Variants in CALCR observed in about 807,000 individuals in gnomAD.
The protein encoded by CALCR is calcitonin receptor.
Under a neutral mutation model 59.5 loss-of-function variants are expected in CALCR, and 47 were observed. That is an observed-to-expected ratio of 0.79 (90% confidence interval 0.63 to 1.01). The LOEUF is 1.01. Among genes scored for constraint, CALCR ranks in the 50% least tolerant of loss-of-function variants. The pLI, the probability that CALCR is intolerant of heterozygous loss-of-function variation, is 0.00. For missense variants in CALCR, 566 were observed against 597.1 expected, an observed-to-expected ratio of 0.95 and a Z score of 0.54; for synonymous variants, 213 against 211.3, an observed-to-expected ratio of 1.01 and a Z score of -0.07.
intron 2 of CALCR, among the ~76,000 whole-genome samples, chr7:93,550,612 C>A (rs918369459): frequency 2.8e-5 from 4 of 140,906 alleles, no homozygotes; most frequent in East Asian, 4.2e-4. Context: ...CACACACACA[C>A]ACACACACAC....
chr7:93,493,778 A>C (rs11977506), intron 2 of CALCR, among the ~76,000 whole-genome samples: 7,711 of 151,464 alleles, frequency 0.051, 691 homozygotes, highest in African/African-American at 0.18. Context: ...CTAAAAGGAC[A>C]GATAAGAAAT....
At chr7:93,537,834 T>C (rs578141152) in intron 2 of CALCR, among the ~76,000 whole-genome samples, 2 of 152,062 alleles carry the variant, frequency 1.3e-5, no homozygotes, top group East Asian at 3.9e-4. Context: ...TGTATTTTCC[T>C]GACCAAATCA....
intron 2 of CALCR, among the ~76,000 whole-genome samples, chr7:93,522,382 A>G (rs971320860): frequency 4.6e-5 from 7 of 152,162 alleles, no homozygotes; most frequent in African/African-American, 1.4e-4. Flanking sequence ...GACAGGAAGT[A>G]TGTCCCCATC....
intron 3 of CALCR, among the ~76,000 whole-genome samples, chr7:93,484,738 T>A (rs1800901576): frequency 6.6e-6 from 1 of 151,752 alleles, no homozygotes; most frequent in Non-Finnish European, 1.5e-5. Context: ...AGTAAACAAG[T>A]AACAATAACA....
At chr7:93,461,429 C>T (rs1326643295) in intron 7 of CALCR, among the ~76,000 whole-genome samples, 3 of 152,156 alleles carry the variant, frequency 2.0e-5, no homozygotes, top group African/African-American at 4.8e-5. Context: ...TGCATACACA[C>T]ACTTCACGTC....
rs1255499271 is a variant in CALCR, at chr7:93,460,568, A to T, written c.648+253T>A. Among the ~76,000 whole-genome samples, 407 of 79,744 alleles carry T rather than the reference A, an allele frequency of 5.1e-3. 3 individuals are homozygous for T. Among genetic ancestry groups the T allele is most frequent in the African/African-American group, 0.033 (354 of 10,764 alleles). 52.3% of individuals were successfully genotyped at this position (79,744 alleles called of 152,430 possible). A position where few individuals can be genotyped will look rare whatever the true frequency, so the allele number is the denominator to read the frequency against. On this transcript the variant is annotated intron_variant, in intron 8 of 13. Coordinates refer to ENST00000426151, the MANE Select transcript of CALCR (RefSeq NM_001742.4). ...GAGACTCTATCTAAAAAAAAAAAAA[A>T]AAAAATATATATATATATATATATG...
intron 8 of CALCR, among the ~76,000 whole-genome samples, chr7:93,447,258 T>C (rs1283240240): frequency 6.6e-6 from 1 of 152,052 alleles, no homozygotes; most frequent in Non-Finnish European, 1.5e-5. Context: ...CTTAGTCTAA[T>C]ACATCAAGTC....
At position 93,462,006 on chromosome 7, in the gene CALCR, T is replaced by C. The variant is rs1405070656; in HGVS notation, c.522-1059A>G. ...TGGAATAAAGTTAGAAATGAAGAAT[T>C]TTGAAAAGGAAATTCTGGGGAAAGA... is the stretch of plus-strand genomic sequence containing the variant. On this transcript the variant is annotated intron_variant, in intron 7 of 13. Coordinates refer to ENST00000426151, the MANE Select transcript of CALCR (RefSeq NM_001742.4). 3 of 1,031,410 alleles carry C rather than the reference T, an allele frequency of 2.9e-6. No homozygotes were observed. The African/African-American group carries it at 4.8e-5, about 17-fold the overall frequency. 63.9% of individuals were successfully genotyped at this position (1,031,410 alleles called of 1,614,324 possible).
At chr7:93,455,191 T>G (rs1800185973) in intron 8 of CALCR, among the ~76,000 whole-genome samples, 1 of 152,000 alleles carries the variant, frequency 6.6e-6, no homozygotes. Context: ...TTTAGTTTGC[T>G]TAAGAATAAA....
Position 93,426,313 on chromosome 7 carries a change from G to A in CALCR, c.*43C>T. On this transcript the variant is annotated 3_prime_UTR_variant, in exon 14 of 14. Coordinates refer to ENST00000426151, the MANE Select transcript of CALCR (RefSeq NM_001742.4). ...TTTAAATGCATGGTCTTTCTCCCAG[G>A]AAATGATGGCTCAGTGATCACGATG... 1 of 1,104,410 alleles carries A rather than the reference G, an allele frequency of 9.1e-7. No homozygotes were observed. The highest frequency in any genetic ancestry group is 1.4e-6 in the Non-Finnish European group (1 of 717,234). 68.4% of individuals were successfully genotyped at this position (1,104,410 alleles called of 1,614,324 possible). A position where few individuals can be genotyped will look rare whatever the true frequency, so the allele number is the denominator to read the frequency against.
At chr7:93,442,897 A>C (rs1402995957) in intron 9 of CALCR, among the ~76,000 whole-genome samples, 2 of 151,980 alleles carry the variant, frequency 1.3e-5, no homozygotes, top group African/African-American at 4.8e-5. Flanking sequence ...TCATTGCCTC[A>C]CCTTCTGTTC....
chr7:93,486,946 C>G lies in CALCR; in HGVS notation c.36G>C (p.Leu12=). Residue 12 remains leucine, a synonymous_variant, in exon 3 of 14, where the codon CTG becomes CTC. Coordinates refer to ENST00000426151, the MANE Select transcript of CALCR (RefSeq NM_001742.4). ...RFTFTSRCLA[L]FLLLNHPTPI... ...TTTTACTTACATTTAGAAGAAGAAACAGTGCCAAGCACCGGCTTGTAAATG... is the reference window on the plus strand; with the variant it reads ...TTTTACTTACATTTAGAAGAAGAAAGAGTGCCAAGCACCGGCTTGTAAATG... The G allele has an allele frequency of 6.3e-7, 1 of 1,590,488 alleles. No homozygotes were observed. Among genetic ancestry groups the G allele is most frequent in the South Asian group, 1.1e-5 (1 of 89,124 alleles).
At chr7:93,503,404 A>AG (rs1433134251) in intron 2 of CALCR, among the ~76,000 whole-genome samples, 40 of 141,322 alleles carry the variant, frequency 2.8e-4, no homozygotes, top group African/African-American at 1.3e-3. Context: ...GCAAATAATT[A>AG]GAAACACACA....
intron 7 of CALCR, among the ~76,000 whole-genome samples, chr7:93,465,388 T>C (rs1800418643): frequency 6.6e-6 from 1 of 151,974 alleles, no homozygotes; most frequent in Admixed American, 6.6e-5. Context: ...ACTATTGGAA[T>C]CTAGCAGTAA....
chr7:93,496,622 G>A (rs569147883), intron 2 of CALCR, among the ~76,000 whole-genome samples: 1 of 151,602 alleles, frequency 6.6e-6, no homozygotes, highest in East Asian at 1.9e-4. Flanking sequence ...TTATTCCTTT[G>A]GAGCAGTATT....
intron 2 of CALCR, among the ~76,000 whole-genome samples, chr7:93,561,074 G>T (rs1386479479): frequency 6.6e-6 from 1 of 152,076 alleles, no homozygotes; most frequent in Non-Finnish European, 1.5e-5. Context: ...GGAAACTGAG[G>T]CTAAGAGAGG....
intron 2 of CALCR, among the ~76,000 whole-genome samples, chr7:93,543,688 T>A (rs80116470): frequency 0.035 from 5,382 of 152,190 alleles, 329 homozygotes; most frequent in African/African-American, 0.12. Context: ...CACCTAAGAA[T>A]GTACAGTTAT....
intron 3 of CALCR, among the ~76,000 whole-genome samples, chr7:93,483,606 T>C (rs1437995065): frequency 6.6e-6 from 1 of 151,454 alleles, no homozygotes; most frequent in Non-Finnish European, 1.5e-5. Context: ...GTTAAACTTT[T>C]GCTGATAATT....
At chr7:93,500,453 A>G (rs1390633965) in intron 2 of CALCR, among the ~76,000 whole-genome samples, 1 of 151,954 alleles carries the variant, frequency 6.6e-6, no homozygotes, top group African/African-American at 2.4e-5. Context: ...TGCAACATCC[A>G]CCAATTAGAA....
Sources: gnomAD v4.1 joint callset for allele counts (sites outside exome capture counted in the v4.1 genomes callset) on GRCh38, gnomAD v4.1.1 for gene constraint, MANE v1.5 for transcripts, NCBI Gene and HGNC (gene_info 2026-07-23, HGNC 2026-07-21) for gene names.